The following POLK variants were observed in gnomAD, a reference collection of about 807,000 sequenced individuals.
The protein encoded by POLK is polymerase (DNA directed) kappa.
In POLK, 76 loss-of-function variants were observed where a neutral mutation model predicts 94.0. The observed-to-expected ratio is 0.81, with a 90% CI of 0.67 to 0.98. The LOEUF (loss-of-function observed/expected upper bound fraction) is 0.98. POLK is among the 50% of genes least tolerant of loss of function. The pLI, the probability that POLK is intolerant of heterozygous loss-of-function variation, is 0.00. For missense variants in POLK, 954 were observed against 1,010.1 expected (o/e 0.94, Z 0.75); for synonymous variants, 349 against 325.4 (o/e 1.07, Z -0.78).
downstream of POLK, among the ~76,000 whole-genome samples, chr5:75,601,308 T>G (rs1773290775): frequency 6.6e-6 from 1 of 152,212 alleles, no homozygotes; most frequent in South Asian, 2.1e-4. Context: ...CCCCTAAGGC[T>G]ACAGCCTCAA....
intron 3 of POLK, among the ~76,000 whole-genome samples, chr5:75,561,005 T>C (rs530456434): frequency 1.3e-5 from 2 of 152,302 alleles, no homozygotes; most frequent in African/African-American, 2.4e-5. Flanking sequence ...GTAGAATGAT[T>C]TATAATCTTT....
At chr5:75,544,930 G>T (rs1769934421) in intron 1 of POLK, among the ~76,000 whole-genome samples, 1 of 152,080 alleles carries the variant, frequency 6.6e-6, no homozygotes, top group Non-Finnish European at 1.5e-5. Context: ...ATATTCCCCT[G>T]GGCACTACGA....
At chr5:75,580,310 TTGTTATAAA>T (rs1772130199) in intron 6 of POLK, among the ~76,000 whole-genome samples, 2 of 152,136 alleles carry the variant, frequency 1.3e-5, no homozygotes, top group Non-Finnish European at 2.9e-5. Flanking sequence ...CTAACCTTGG[TTGTTATAAA>T]TACATTTAAA....
At position 75,583,523 on chromosome 5, in the gene POLK, A is replaced by T. The variant is rs56348108; in HGVS notation, c.1059+106A>T. The T allele has an allele frequency of 1.5e-3, 889 of 588,058 alleles. 8 individuals are homozygous for T. In the East Asian group the frequency reaches 0.019, roughly 12 times the overall value. The allele number at this position is 588,058 out of a possible 1,614,324, so 36.4% of individuals were successfully genotyped here. A position where few individuals can be genotyped will look rare whatever the true frequency, so the allele number is the denominator to read the frequency against. The stretch of plus-strand genomic sequence containing the variant: ...CTTTGCTTAAAAGTTTTAAAATAAT[A>T]GATAAAAGCAAGAACTATAATGGAT... On this transcript the variant is annotated intron_variant, in intron 8 of 14. Transcript: ENST00000241436.
intron 1 of POLK, among the ~76,000 whole-genome samples, chr5:75,531,304 A>G (rs1769168648): frequency 2.0e-5 from 3 of 149,716 alleles, no homozygotes; most frequent in Non-Finnish European, 4.4e-5. Flanking sequence ...TATAAACAAT[A>G]TACTATATAT....
At chr5:75,581,251 G>A (rs772000084) in exon 7 of POLK, 15 of 1,606,300 alleles carry the variant, frequency 9.3e-6, no homozygotes, top group East Asian at 2.2e-5. Flanking sequence ...GAGCATGAAC[G>A]ATCCATCTCT....
exon 14 of POLK, chr5:75,597,784 A>G: frequency 1.3e-6 from 2 of 1,513,680 alleles, no homozygotes; most frequent in Non-Finnish European, 1.8e-6. Flanking sequence ...TAACAAGAAC[A>G]AAAAGGTATG....
chr5:75,595,814 T>C (rs1343779573), intron 12 of POLK, among the ~76,000 whole-genome samples: 1 of 151,982 alleles, frequency 6.6e-6, no homozygotes, highest in East Asian at 1.9e-4. Flanking sequence ...GGTGGAGGGG[T>C]GTGCATGTGT....
intron 1 of POLK, among the ~76,000 whole-genome samples, chr5:75,521,292 AT>A (rs1051118977): frequency 1.6e-4 from 24 of 150,720 alleles, no homozygotes; most frequent in South Asian, 1.3e-3. Flanking sequence ...CCTTTTTATT[AT>A]TTTTTTTCCT....
intron 4 of POLK, among the ~76,000 whole-genome samples, chr5:75,572,444 G>A (rs1332699212): frequency 6.6e-6 from 1 of 151,900 alleles, no homozygotes; most frequent in Non-Finnish European, 1.5e-5. Flanking sequence ...AATTCGAAAA[G>A]TTTACTATTA....
chr5:75,605,054 A>G (rs1164053036), downstream of POLK, among the ~76,000 whole-genome samples: 1 of 151,830 alleles, frequency 6.6e-6, no homozygotes, highest in East Asian at 1.9e-4. Context: ...GGCAAATGGT[A>G]CTAACCCTTC....
At chr5:75,595,273 A>AT (rs1773015975) in intron 12 of POLK, among the ~76,000 whole-genome samples, 2 of 148,740 alleles carry the variant, frequency 1.3e-5, no homozygotes, top group African/African-American at 2.5e-5. Flanking sequence ...AAAAAAAAAA[A>AT]GCCCAAGAGC....
rs1029503091 is a variant in POLK at position 75,596,131 on chromosome 5, A to G, written c.1529-91A>G. On this transcript the variant is annotated intron_variant, in intron 12 of 14. Transcript: ENST00000241436. The stretch of plus-strand genomic sequence containing the variant: ...AGTTTCTCTCTAGCCAACCTTTTGT[A>G]TATGTCATAGCACTAGACAAAATGT... 7 of 712,116 alleles carry G rather than the reference A, an allele frequency of 9.8e-6. No individual in the cohort carries two copies. The East Asian group carries it at 1.5e-4, about 15-fold the overall frequency. 44.1% of individuals were successfully genotyped at this position (712,116 alleles called of 1,614,324 possible).
intron 1 of POLK, among the ~76,000 whole-genome samples, chr5:75,537,949 C>T (rs142338408): frequency 0.078 from 11,891 of 151,936 alleles, 553 homozygotes; most frequent in South Asian, 0.17. Flanking sequence ...CTCTGCCTCC[C>T]GGGTTCATGC....
At chr5:75,532,154 A>T (rs982895338) in intron 1 of POLK, among the ~76,000 whole-genome samples, 10 of 152,186 alleles carry the variant, frequency 6.6e-5, no homozygotes, top group Admixed American at 6.5e-5. Flanking sequence ...GGTAAATTGC[A>T]TGCCATGGGG....
At chr5:75,512,142 C>T (rs1768064075) in intron 1 of POLK, 1 of 228,084 alleles carries the variant, frequency 4.4e-6, no homozygotes, top group African/African-American at 2.3e-5. Flanking sequence ...AGCATCTGGC[C>T]GCTTCCGCCT....
chr5:75,559,505 G>GTTTTTTTTTTTTTTTTTTT, intron 3 of POLK, among the ~76,000 whole-genome samples: 1 of 70,108 alleles, frequency 1.4e-5, no homozygotes, highest in East Asian at 4.3e-4. Flanking sequence ...TTTGGGGTTT[G>GTTTTTTTTTTTTTTTTTTT]TTTTTTTGTT....
chr5:75,608,374 T>C, the POLK span, among the ~76,000 whole-genome samples: 52 of 152,300 alleles, frequency 3.4e-4, no homozygotes, highest in Non-Finnish European at 6.5e-4. Flanking sequence ...TTAAATTTTT[T>C]GTGGAGACTG....
downstream of POLK, chr5:75,601,249 C>G (rs1581118191): frequency 6.6e-6 from 1 of 152,070 alleles, no homozygotes; most frequent in South Asian, 2.1e-4. Flanking sequence ...CTGAACACAG[C>G]AAGAAAGAGC....
Sources: allele counts gnomAD v4.1 joint callset (sites outside exome capture counted in the v4.1 genomes callset), GRCh38; gene constraint gnomAD v4.1.1; transcripts MANE v1.5; gene names NCBI Gene and HGNC (gene_info 2026-07-23, HGNC 2026-07-21).